The following DAB2IP variants were observed in gnomAD, a reference collection of about 807,000 sequenced individuals.
DAB2IP encodes DAB2 interacting protein, also known as disabled homolog 2-interacting protein.
Under a neutral mutation model 107.2 loss-of-function variants are expected in DAB2IP, and 28 were observed. The ratio of observed to expected loss-of-function variants is 0.26; its 90% CI spans 0.19 to 0.36. DAB2IP has a LOEUF of 0.36. Ranked by LOEUF, DAB2IP falls within the 10% of genes least tolerant of loss-of-function variation. The probability of loss-of-function intolerance (pLI) is 1.00; values close to 1 mark genes in which losing one functional copy is unlikely to be tolerated. For synonymous variants in DAB2IP, 755 were observed against 706.4 expected (o/e 1.07, Z -1.09); for missense variants, 1,400 against 1,644.7 (o/e 0.85, Z 2.57).
At position 121,760,829 on chromosome 9, in the gene DAB2IP, C is replaced by T. The variant is rs1222731782; in HGVS notation, c.1170+390C>T. Among the ~76,000 whole-genome samples the T allele has an allele frequency of 6.6e-6, 1 of 152,228 alleles. No homozygotes were observed. The highest frequency in any genetic ancestry group is 1.5e-5 in the Non-Finnish European group (1 of 68,048). ...CCGCAGTGAGCCAAACACACGTCCCCTGTGGGGTATGGAGTTCGGCAGACC... is the reference window on the plus strand; with the variant it reads ...CCGCAGTGAGCCAAACACACGTCCCTTGTGGGGTATGGAGTTCGGCAGACC... On this transcript the variant is annotated intron_variant, in intron 6 of 15. Coordinates refer to ENST00000408936, the Ensembl canonical transcript of DAB2IP. The surrounding 1 kb of genome is among the most constrained non-coding windows in gnomAD (Gnocchi z 5.9).
intron 1 of DAB2IP, among the ~76,000 whole-genome samples, chr9:121,587,839 GT>G (rs1304459726): frequency 6.6e-6 from 1 of 151,942 alleles, no homozygotes; most frequent in Non-Finnish European, 1.5e-5. Context: ...AAAATGGGTA[GT>G]TTTTTCAGTA....
chr9:121,669,565 A>G (rs1388056094), intron 1 of DAB2IP, among the ~76,000 whole-genome samples: 1 of 152,192 alleles, frequency 6.6e-6, no homozygotes, highest in African/African-American at 2.4e-5. Flanking sequence ...GATGAATTGC[A>G]TCTGCTGTCA....
chr9:121,648,902 T>C (rs1050166774), upstream of DAB2IP, among the ~76,000 whole-genome samples: 2 of 152,122 alleles, frequency 1.3e-5, no homozygotes, highest in African/African-American at 4.8e-5. Context: ...GAAGCAGGGC[T>C]TCTCCTGTTC....
In DAB2IP at chr9:121,642,615, T is replaced by TAA. The variant is rs397893249; in HGVS notation, c.41-36044_41-36043dup. On this transcript the variant is annotated intron_variant, in intron 1 of 16. Transcript: ENST00000259371. ...GCTGGAACCACAGCTTCTTTTCTAT[T>TAA]AAAAAAAAAAAAAAAAAAAAGAACA... Among the ~76,000 whole-genome samples, 224 of 123,928 alleles carry TAA rather than the reference T, an allele frequency of 1.8e-3. 4 individuals are homozygous for TAA. The highest frequency in any genetic ancestry group is 6.5e-3 in the African/African-American group (214 of 32,836). 81.3% of individuals were successfully genotyped at this position (123,928 alleles called of 152,430 possible). A position where few individuals can be genotyped will look rare whatever the true frequency, so the allele number is the denominator to read the frequency against.
chr9:121,658,696 C>A (rs1833071510), intron 1 of DAB2IP, among the ~76,000 whole-genome samples: 1 of 152,200 alleles, frequency 6.6e-6, no homozygotes, highest in African/African-American at 2.4e-5. Context: ...ACTCGATACT[C>A]AGCAAAGACA....
intron 1 of DAB2IP, among the ~76,000 whole-genome samples, chr9:121,604,724 G>A (rs1830807399): frequency 6.6e-6 from 1 of 152,172 alleles, no homozygotes; most frequent in South Asian, 2.1e-4. Context: ...TAACTGCCCT[G>A]CTTTGCCTGT....
intron 3 of DAB2IP, chr9:121,737,305 A>T: frequency 1.0e-6 from 1 of 985,456 alleles, no homozygotes; most frequent in Non-Finnish European, 1.2e-6. Context: ...GGTTACCTGC[A>T]TGGAAGACGG....
chr9:121,608,598 G>A lies in DAB2IP; in HGVS notation c.40+41370G>A, dbSNP rs1028963324. Among the ~76,000 whole-genome samples, 3 of 152,088 alleles carry A rather than the reference G, an allele frequency of 2.0e-5. No homozygotes were observed. The East Asian group carries it at 5.8e-4, about 29-fold the overall frequency. ...AAAAGTACCATCAGGACCCCAAATC[G>A]AGGACCTAGAATGCTATGATAAGGA... On this transcript the variant is annotated intron_variant, in intron 1 of 16. Coordinates refer to the DAB2IP transcript ENST00000259371.
rs762016937 is a variant in DAB2IP at position 121,772,586 on chromosome 9, T to G, written c.2079-21T>G. 1 of 1,597,364 alleles carries G rather than the reference T, an allele frequency of 6.3e-7. No individual in the cohort carries two copies. The highest frequency in any genetic ancestry group is 2.2e-5 in the East Asian group (1 of 44,580). On this transcript the variant is annotated intron_variant, in intron 11 of 15. Coordinates refer to ENST00000408936, the Ensembl canonical transcript of DAB2IP. The surrounding 1 kb of genome is among the most constrained non-coding windows in gnomAD (Gnocchi z 4.7). ...TTCTTCTTTTCCCCTTCTTTCCCTG[T>G]GTGTGCTTGTCTCCCTGCAGTCTGA...
At chr9:121,706,710 G>A (rs961964158) in intron 3 of DAB2IP, among the ~76,000 whole-genome samples, 1 of 152,188 alleles carries the variant, frequency 6.6e-6, no homozygotes, top group Non-Finnish European at 1.5e-5. Flanking sequence ...CCCAGCTGGG[G>A]CATGCCTGTG....
chr9:121,622,606 C>T (rs1490073556), intron 1 of DAB2IP, among the ~76,000 whole-genome samples: 2 of 152,274 alleles, frequency 1.3e-5, no homozygotes, highest in East Asian at 1.9e-4. Context: ...GTCTCTCTCT[C>T]GGGAGGTAAG....
chr9:121,573,460 C>T (rs539254802), intron 1 of DAB2IP, among the ~76,000 whole-genome samples: 1 of 152,178 alleles, frequency 6.6e-6, no homozygotes, highest in South Asian at 2.1e-4. Flanking sequence ...TCTTGGCTCA[C>T]TGCAACCTCC....
chr9:121,720,990 T>C (rs1830896295), intron 3 of DAB2IP, among the ~76,000 whole-genome samples: 1 of 152,250 alleles, frequency 6.6e-6, no homozygotes, highest in African/African-American at 2.4e-5. Context: ...GCAGACCTCC[T>C]GCAGGCGAGC....
At chr9:121,690,226 C>CCA (rs1205841616) in intron 2 of DAB2IP, among the ~76,000 whole-genome samples, 1 of 152,170 alleles carries the variant, frequency 6.6e-6, no homozygotes, top group Non-Finnish European at 1.5e-5. Flanking sequence ...GGTTTTCTTG[C>CCA]CACTCATGCA....
chr9:121,616,501 G>A (rs923722632), intron 1 of DAB2IP, among the ~76,000 whole-genome samples: 5 of 152,162 alleles, frequency 3.3e-5, no homozygotes, highest in East Asian at 1.9e-4. Flanking sequence ...AGGCGTTGGC[G>A]GCTAGCGGCT....
chr9:121,732,712 A>G (rs1413817033), intron 3 of DAB2IP, among the ~76,000 whole-genome samples: 3 of 152,218 alleles, frequency 2.0e-5, no homozygotes, highest in South Asian at 2.1e-4. Flanking sequence ...GGCTGGGGCC[A>G]GATTGTTGAG....
intron 1 of DAB2IP, among the ~76,000 whole-genome samples, chr9:121,610,852 C>CT (rs1831069646): frequency 6.6e-6 from 1 of 152,162 alleles, no homozygotes; most frequent in Non-Finnish European, 1.5e-5. Context: ...TTTCCACCCC[C>CT]TGTAGGTCAC....
rs1833256944 is a variant in DAB2IP at position 121,662,660 on chromosome 9, C to T, written c.124+10761C>T. 6.6e-6 allele frequency among the ~76,000 whole-genome samples: 1 copy of T among 152,236 alleles called. No individual in the cohort carries two copies. Among genetic ancestry groups the T allele is most frequent in the African/African-American group, 2.4e-5 (1 of 41,462 alleles). On this transcript the variant is annotated intron_variant, in intron 1 of 15. Transcript: ENST00000408936. This position sits in a 1 kb window ranked among gnomAD's most constrained non-coding sequence, Gnocchi z 4.6. ...ATACAGCTAAAGCCACCTACTCTCT[C>T]TCCAGGCATAACTGGCCACCTAAAG...
At chr9:121,678,274 C>T (rs926645993) in intron 1 of DAB2IP, among the ~76,000 whole-genome samples, 17 of 152,296 alleles carry the variant, frequency 1.1e-4, no homozygotes, top group Admixed American at 5.9e-4. Flanking sequence ...GGTTACTCAG[C>T]GTAATGTTTT....
Sources: allele counts gnomAD v4.1 joint callset (sites outside exome capture counted in the v4.1 genomes callset), GRCh38; gene constraint gnomAD v4.1.1; non-coding constraint Gnocchi (gnomAD v3.1); transcripts MANE v1.5; gene names NCBI Gene and HGNC (gene_info 2026-07-23, HGNC 2026-07-21).